CMTM3: variants seen among roughly 807,000 people sequenced by gnomAD.
CMTM3 encodes the protein CKLF-like MARVEL transmembrane domain-containing protein 3.
A neutral mutation model predicts 18.2 loss-of-function variants in CMTM3; 7 were observed. The ratio of observed to expected loss-of-function variants is 0.38; its 90% CI spans 0.22 to 0.72. The LOEUF (loss-of-function observed/expected upper bound fraction) is 0.72. Ranked by LOEUF, CMTM3 falls within the 30% of genes least tolerant of loss-of-function variation. The pLI, the probability that CMTM3 is intolerant of heterozygous loss-of-function variation, is 0.46. For missense variants in CMTM3, 227 were observed against 249.2 expected (o/e 0.91, Z 0.60); for synonymous variants, 109 against 111.2 (o/e 0.98, Z 0.12).
Position 66,604,812 on chromosome 16 carries a change from C to T in CMTM3, c.7C>T (p.Pro3Ser), listed in dbSNP as rs1004433748. 13 of 1,256,754 alleles carry T rather than the reference C, an allele frequency of 1.0e-5. No individual in the cohort carries two copies. In the African/African-American group the frequency reaches 1.7e-4, roughly 17 times the overall value. The allele number at this position is 1,256,754 out of a possible 1,614,324, so 77.9% of individuals were successfully genotyped here. Residue 3 changes from proline to serine, a missense_variant, in exon 1 of 5, where the codon CCC (proline) becomes TCC (serine). Physicochemically the swap from Pro to Ser is moderately conservative, Grantham distance 74 (BLOSUM62 -1). Coordinates refer to ENST00000567572, the MANE Select transcript of CMTM3 (RefSeq NM_181553.4). ...CCCTACCGCCGCCGCCGCCATGTGG[C>T]CCCCAGACCCCGACCCCGACCCGGA... MW[P>S]PDPDPDPDPE... is the part of the protein sequence containing the mutation.
chr16:66,610,585 A>G lies in CMTM3; in HGVS notation c.520+582A>G, dbSNP rs1267033280. ...TCTGGAGGGGACACTAGAGCTGGGT[A>G]CTGACAGATGGCAGTAGAGGAGTGT... On this transcript the variant is annotated intron_variant, in intron 4 of 4. Coordinates refer to ENST00000567572, the MANE Select transcript of CMTM3 (RefSeq NM_181553.4). The surrounding 1 kb of genome is among the most constrained non-coding windows in gnomAD (Gnocchi z 4.6). 6.6e-6 allele frequency among the ~76,000 whole-genome samples: 1 copy of G among 152,128 alleles called. No individual in the cohort carries two copies. The highest frequency in any genetic ancestry group is 1.5e-5 in the Non-Finnish European group (1 of 68,012).
At position 66,608,700 on chromosome 16, in the gene CMTM3, G is replaced by C. The variant is rs2015254078; in HGVS notation, c.303+236G>C. Among the ~76,000 whole-genome samples the C allele has an allele frequency of 6.6e-6, 1 of 152,222 alleles. No individual in the cohort carries two copies. Among genetic ancestry groups the C allele is most frequent in the Non-Finnish European group, 1.5e-5 (1 of 68,042 alleles). On this transcript the variant is annotated intron_variant, in intron 2 of 4. Transcript: ENST00000567572. This position sits in a 1 kb window ranked among gnomAD's most constrained non-coding sequence, Gnocchi z 5.1. Reference sequence around the variant, plus strand: ...AGGTCTGTGAGGCAGGGAACCCGGAGAGGGGTCTCTGGCCACCAGGTGGCG... The same window carrying C: ...AGGTCTGTGAGGCAGGGAACCCGGACAGGGGTCTCTGGCCACCAGGTGGCG...
intron 1 of CMTM3, among the ~76,000 whole-genome samples, chr16:66,607,821 C>T (rs1442985596): frequency 1.3e-5 from 2 of 149,306 alleles, no homozygotes; most frequent in African/African-American, 4.9e-5. Flanking sequence ...AGGTGTGAGC[C>T]TGGGCCATGC....
chr16:66,609,623 GC>G lies in CMTM3; in HGVS notation c.399+99del. 3 of 1,512,924 alleles carry G rather than the reference GC, an allele frequency of 2.0e-6. No individual in the cohort carries two copies. Among genetic ancestry groups the G allele is most frequent in the Non-Finnish European group, 1.8e-6 (2 of 1,118,596 alleles). 93.7% of individuals were successfully genotyped at this position (1,512,924 alleles called of 1,614,324 possible). Reference sequence around the variant, plus strand: ...TGGGGCAGAGCCTTTCCCTGCTGGGGCCCCCCTGGGGTCTCATGTGGGTCCC... The same window carrying G: ...TGGGGCAGAGCCTTTCCCTGCTGGGGCCCCCTGGGGTCTCATGTGGGTCCC... On this transcript the variant is annotated intron_variant, in intron 3 of 4. Coordinates refer to ENST00000567572, the MANE Select transcript of CMTM3 (RefSeq NM_181553.4). This position sits in a 1 kb window ranked among gnomAD's most constrained non-coding sequence, Gnocchi z 4.4.
rs2015059794 is a variant in CMTM3 at position 66,604,724 on chromosome 16, C to T, written c.-82C>T. The T allele has an allele frequency of 2.7e-6, 3 of 1,103,014 alleles. No individual in the cohort carries two copies. The highest frequency in any genetic ancestry group is 1.6e-5 in the African/African-American group (1 of 61,162). The allele number at this position is 1,103,014 out of a possible 1,614,324, so 68.3% of individuals were successfully genotyped here. On this transcript the variant is annotated 5_prime_UTR_variant, in exon 1 of 5. Coordinates refer to ENST00000567572, the MANE Select transcript of CMTM3 (RefSeq NM_181553.4). ...GAGCCAGTGTCGCCTGCCCTCCTTC[C>T]GCACAGCCCGGGTTTCCGCTTCCCT...
At position 66,604,867 on chromosome 16, in the gene CMTM3, G is replaced by C; in HGVS notation, c.62G>C (p.Gly21Ala). 2.1e-6 allele frequency: 3 copies of C among 1,407,074 alleles called. No individual in the cohort carries two copies. The highest frequency in any genetic ancestry group is 2.8e-6 in the Non-Finnish European group (3 of 1,084,524). The allele number at this position is 1,407,074 out of a possible 1,614,324, so 87.2% of individuals were successfully genotyped here. A position where few individuals can be genotyped will look rare whatever the true frequency, so the allele number is the denominator to read the frequency against. Residue 21 changes from glycine (G) to alanine (A), a missense_variant, in exon 1 of 5, where the codon GGC becomes GCC. Gly to Ala is a moderately conservative substitution (Grantham distance 60). Transcript: ENST00000567572. ...GAGCCTGCCGGCGGCTCCCGTCCCGGCCCCGCGGTCCCCGGGCTCCGCGCC... is the reference window on the plus strand; with the variant it reads ...GAGCCTGCCGGCGGCTCCCGTCCCGCCCCCGCGGTCCCCGGGCTCCGCGCC... ...DPEPAGGSRPGPAVPGLRALL... is the reference protein window; with the variant it reads ...DPEPAGGSRPAPAVPGLRALL...
Position 66,612,963 on chromosome 16 carries a change from GGCA to G in CMTM3, c.*331_*333del. On this transcript the variant is annotated 3_prime_UTR_variant, in exon 5 of 5. Coordinates refer to ENST00000567572, the MANE Select transcript of CMTM3 (RefSeq NM_181553.4). The surrounding 1 kb of genome is among the most constrained non-coding windows in gnomAD (Gnocchi z 6.0). ...CAAAGCAGAGCCTTGTCTGTATCTGGGCAGCAGGTGTTCCATGCTGCTAGGTGG... is the reference window on the plus strand; with the variant it reads ...CAAAGCAGAGCCTTGTCTGTATCTGGGCAGGTGTTCCATGCTGCTAGGTGG... The G allele has an allele frequency of 1.5e-6, 1 of 682,356 alleles. No homozygotes were observed. Among genetic ancestry groups the G allele is most frequent in the Non-Finnish European group, 2.7e-6 (1 of 373,566 alleles). The allele number at this position is 682,356 out of a possible 1,614,324, so 42.3% of individuals were successfully genotyped here. A position where few individuals can be genotyped will look rare whatever the true frequency, so the allele number is the denominator to read the frequency against.
Position 66,604,780 on chromosome 16 carries a change from G to A in CMTM3, c.-26G>A. 8.1e-7 allele frequency: 1 copy of A among 1,240,114 alleles called. No individual in the cohort carries two copies. The highest frequency in any genetic ancestry group is 1.0e-6 in the Non-Finnish European group (1 of 995,188). 76.8% of individuals were successfully genotyped at this position (1,240,114 alleles called of 1,614,324 possible). ...CGCGAGAAGAGGGGAGCCAGGCCGA[G>A]CCCCGGCCCTACCGCCGCCGCCGCC... is the stretch of plus-strand genomic sequence containing the variant. On this transcript the variant is annotated 5_prime_UTR_variant, in exon 1 of 5. Transcript: ENST00000567572.
rs1333461880 is a variant in CMTM3 at position 66,608,404 on chromosome 16, C to T, written c.243C>T (p.Phe81=). ...TGGAGTTCCTGCTGGCCTTGTACTT[C>T]CTCTTTGCTGATGCCATGCAGCTGA... is the stretch of plus-strand genomic sequence containing the variant. ...PLLEFLLALY[F]LFADAMQLND... Residue 81 remains phenylalanine, a synonymous_variant, in exon 2 of 5, where the codon TTC becomes TTT. Coordinates refer to ENST00000567572, the MANE Select transcript of CMTM3 (RefSeq NM_181553.4). The surrounding 1 kb of genome is among the most constrained non-coding windows in gnomAD (Gnocchi z 5.1). The T allele has an allele frequency of 1.9e-6, 3 of 1,614,216 alleles. No homozygotes were observed. The highest frequency in any genetic ancestry group is 2.2e-5 in the East Asian group (1 of 44,884).
Position 66,605,848 on chromosome 16 carries a change from G to A in CMTM3, c.147+896G>A, listed in dbSNP as rs969719455. Among the ~76,000 whole-genome samples, 2 of 152,176 alleles carry A rather than the reference G, an allele frequency of 1.3e-5. No individual in the cohort carries two copies. The highest frequency in any genetic ancestry group is 4.8e-5 in the African/African-American group (2 of 41,438). Reference sequence around the variant, plus strand: ...CCTCTCCCTGGTCACTCAGGGCAGAGGGCAGAAGGTGGTCCTGCAGCCTCT... The same window carrying A: ...CCTCTCCCTGGTCACTCAGGGCAGAAGGCAGAAGGTGGTCCTGCAGCCTCT... On this transcript the variant is annotated intron_variant, in intron 1 of 4. Transcript: ENST00000567572. This position sits in a 1 kb window ranked among gnomAD's most constrained non-coding sequence, Gnocchi z 4.6.
At position 66,604,782 on chromosome 16, in the gene CMTM3, C is replaced by A. The variant is rs994891306; in HGVS notation, c.-24C>A. On this transcript the variant is annotated 5_prime_UTR_variant, in exon 1 of 5. Coordinates refer to ENST00000567572, the MANE Select transcript of CMTM3 (RefSeq NM_181553.4). ...CGAGAAGAGGGGAGCCAGGCCGAGC[C>A]CCGGCCCTACCGCCGCCGCCGCCAT... 5 of 1,242,472 alleles carry A rather than the reference C, an allele frequency of 4.0e-6. No homozygotes were observed. Among genetic ancestry groups the A allele is most frequent in the Non-Finnish European group, 5.0e-6 (5 of 996,636 alleles). 77.0% of individuals were successfully genotyped at this position (1,242,472 alleles called of 1,614,324 possible). A position where few individuals can be genotyped will look rare whatever the true frequency, so the allele number is the denominator to read the frequency against.
rs2144748172 is a variant in CMTM3, at chr16:66,609,689, A to T, written c.399+159A>T. The T allele has an allele frequency of 1.3e-6, 2 of 1,523,844 alleles. No homozygotes were observed. Among genetic ancestry groups the T allele is most frequent in the East Asian group, 4.9e-5 (2 of 40,766 alleles). 94.4% of individuals were successfully genotyped at this position (1,523,844 alleles called of 1,614,324 possible). A position where few individuals can be genotyped will look rare whatever the true frequency, so the allele number is the denominator to read the frequency against. On this transcript the variant is annotated intron_variant, in intron 3 of 4. Transcript: ENST00000567572. This position sits in a 1 kb window ranked among gnomAD's most constrained non-coding sequence, Gnocchi z 4.4. ...AGTCCTCTCATTAAAGACTGACTCT[A>T]CCCGGGGTTTTGAAAGGCTGTTTGT...
In CMTM3 at chr16:66,607,602, A is replaced by C. The variant is rs77309569; in HGVS notation, c.148-707A>C. Among the ~76,000 whole-genome samples the C allele has an allele frequency of 1.3e-3, 194 of 152,332 alleles. 3 individuals carry two copies. The East Asian group carries it at 0.014, about 11-fold the overall frequency. ...TTCAAGGTTTTTTCTTTTCAAGGTGAAATCTACATTCAGTGACGAGCACAC... is the reference window on the plus strand; with the variant it reads ...TTCAAGGTTTTTTCTTTTCAAGGTGCAATCTACATTCAGTGACGAGCACAC... On this transcript the variant is annotated intron_variant, in intron 1 of 4. Transcript: ENST00000567572.
Position 66,608,216 on chromosome 16 carries a change from C to A in CMTM3, c.148-93C>A. The A allele has an allele frequency of 7.1e-7, 1 of 1,415,178 alleles. No homozygotes were observed. Among genetic ancestry groups the A allele is most frequent in the Non-Finnish European group, 9.7e-7 (1 of 1,029,338 alleles). 87.7% of individuals were successfully genotyped at this position (1,415,178 alleles called of 1,614,324 possible). A position where few individuals can be genotyped will look rare whatever the true frequency, so the allele number is the denominator to read the frequency against. Reference sequence around the variant, plus strand: ...AGCAGTTGGCTTCCCCTGCTGGAACCTCCTCTATCCTGACCACAGGGCCTG... The same window carrying A: ...AGCAGTTGGCTTCCCCTGCTGGAACATCCTCTATCCTGACCACAGGGCCTG... On this transcript the variant is annotated intron_variant, in intron 1 of 4. Transcript: ENST00000567572. This position sits in a 1 kb window ranked among gnomAD's most constrained non-coding sequence, Gnocchi z 5.1.
Position 66,605,012 on chromosome 16 carries a change from G to A in CMTM3, c.147+60G>A. 7 of 1,366,052 alleles carry A rather than the reference G, an allele frequency of 5.1e-6. No individual in the cohort carries two copies. Among genetic ancestry groups the A allele is most frequent in the Non-Finnish European group, 5.7e-6 (6 of 1,061,852 alleles). The allele number at this position is 1,366,052 out of a possible 1,614,324, so 84.6% of individuals were successfully genotyped here. ...GACTGCGCGGCTCCTTTCGGAGGAG[G>A]ACGTCGGGGCGCGGGTGGGGTCCGG... On this transcript the variant is annotated intron_variant, in intron 1 of 4. Transcript: ENST00000567572. The surrounding 1 kb of genome is among the most constrained non-coding windows in gnomAD (Gnocchi z 4.6).
In CMTM3 at chr16:66,610,329, C is replaced by T. The variant is rs924446541; in HGVS notation, c.520+326C>T. ...CTGTCCACCTGGGATCCAGAGTGGC[C>T]ATCCCCCAAACCCAGCCCCTCTGCT... On this transcript the variant is annotated intron_variant, in intron 4 of 4. Transcript: ENST00000567572. The surrounding 1 kb of genome is among the most constrained non-coding windows in gnomAD (Gnocchi z 4.6). 1.3e-5 allele frequency among the ~76,000 whole-genome samples: 2 copies of T among 152,154 alleles called. No homozygotes were observed. The highest frequency in any genetic ancestry group is 6.5e-5 in the Admixed American group (1 of 15,282).
rs758364559 is a variant in CMTM3, at chr16:66,609,732, T to A, written c.400-151T>A. The A allele has an allele frequency of 1.2e-5, 19 of 1,564,520 alleles. No homozygotes were observed. The highest frequency in any genetic ancestry group is 1.4e-5 in the Non-Finnish European group (16 of 1,155,550). ...CTGTTTGTCAAACCAAGTTCACAGCTCATTTTCCCACTTCCGTTACTCACA... is the reference window on the plus strand; with the variant it reads ...CTGTTTGTCAAACCAAGTTCACAGCACATTTTCCCACTTCCGTTACTCACA... On this transcript the variant is annotated intron_variant, in intron 3 of 4. Transcript: ENST00000567572. The surrounding 1 kb of genome is among the most constrained non-coding windows in gnomAD (Gnocchi z 4.4).
chr16:66,608,497 C>T lies in CMTM3; in HGVS notation c.303+33C>T. 3 of 1,610,050 alleles carry T rather than the reference C, an allele frequency of 1.9e-6. No homozygotes were observed. Among genetic ancestry groups the T allele is most frequent in the East Asian group, 2.2e-5 (1 of 44,872 alleles). On this transcript the variant is annotated intron_variant, in intron 2 of 4. Transcript: ENST00000567572. This position sits in a 1 kb window ranked among gnomAD's most constrained non-coding sequence, Gnocchi z 5.1. ...CAGGGGCCCCAGGAGGGAGGGGTGC[C>T]CTGCACAAAGTGGCCAGATGAGGAG...
Position 66,609,390 on chromosome 16 carries a change from T to C in CMTM3, c.304-45T>C. ...GCTGCCAGGCCTCCTCCCCATGCTG[T>C]GCTCAGCTCCAGGGGCTCAGGGCAG... is the stretch of plus-strand genomic sequence containing the variant. On this transcript the variant is annotated intron_variant, in intron 2 of 4. Transcript: ENST00000567572. The surrounding 1 kb of genome is among the most constrained non-coding windows in gnomAD (Gnocchi z 4.4). 6.4e-7 allele frequency: 1 copy of C among 1,555,816 alleles called. No homozygotes were observed. The highest frequency in any genetic ancestry group is 1.1e-5 in the South Asian group (1 of 88,022).
Sources: allele counts gnomAD v4.1 joint callset (sites outside exome capture counted in the v4.1 genomes callset), GRCh38; gene constraint gnomAD v4.1.1; non-coding constraint Gnocchi (gnomAD v3.1); transcripts MANE v1.5; gene names NCBI Gene and HGNC (gene_info 2026-07-23, HGNC 2026-07-21).